The following ADGRA1 variants were observed in gnomAD, a reference collection of about 807,000 sequenced individuals.
ADGRA1 encodes the protein G-protein coupled receptor 123.
A neutral mutation model predicts 21.3 loss-of-function variants in ADGRA1; 12 were observed. The ratio of observed to expected loss-of-function variants is 0.56; its 90% CI spans 0.36 to 0.91. The LOEUF is 0.91. ADGRA1 is among the 40% of genes least tolerant of loss of function. The pLI, the probability that ADGRA1 is intolerant of heterozygous loss-of-function variation, is 0.01. For synonymous variants in ADGRA1, 385 were observed against 368.8 expected, an observed-to-expected ratio of 1.04 and a Z score of -0.50; for missense variants, 790 against 805.6, an observed-to-expected ratio of 0.98 and a Z score of 0.23.
Position 133,131,345 on chromosome 10 carries a change from A to T in ADGRA1, c.*1834A>T, listed in dbSNP as rs1852522877. On this transcript the variant is annotated 3_prime_UTR_variant, in exon 7 of 7. Transcript: ENST00000392607. ...ACCTTCTCACCTGCTTCCATAGCTGATGTGAACCCGAATCCCCACGCTGTG... is the reference window on the plus strand; with the variant it reads ...ACCTTCTCACCTGCTTCCATAGCTGTTGTGAACCCGAATCCCCACGCTGTG... The T allele has an allele frequency of 6.6e-6, 1 of 152,324 alleles. No homozygotes were observed. The highest frequency in any genetic ancestry group is 2.4e-5 in the African/African-American group (1 of 41,466). 9.4% of individuals were successfully genotyped at this position (152,324 alleles called of 1,614,324 possible). A position where few individuals can be genotyped will look rare whatever the true frequency, so the allele number is the denominator to read the frequency against.
chr10:133,090,165 C>T (rs769845219), intron 2 of ADGRA1, among the ~76,000 whole-genome samples: 1 of 152,262 alleles, frequency 6.6e-6, no homozygotes, highest in Non-Finnish European at 1.5e-5. Flanking sequence ...TCCCCTTCCT[C>T]GCCTCCTCCT....
chr10:133,114,471 A>G (rs1852118716), intron 5 of ADGRA1, among the ~76,000 whole-genome samples: 1 of 152,082 alleles, frequency 6.6e-6, no homozygotes, highest in African/African-American at 2.4e-5. Context: ...TCTGCAGGGT[A>G]CAGCTGGTGC....
In ADGRA1 at chr10:133,102,126, G is replaced by A. The variant is rs183727033; in HGVS notation, c.256-571G>A. ...AAACGCAGGAAGTTTCCATAGCAAT[G>A]AGGAACGGCGACCTGCAGGGCCACA... On this transcript the variant is annotated intron_variant, in intron 4 of 6. Transcript: ENST00000392607. 9.6e-4 allele frequency: 420 copies of A among 435,916 alleles called. 5 individuals are homozygous for A. Among genetic ancestry groups the A allele is most frequent in the South Asian group, 3.9e-3 (247 of 62,930 alleles). 27.0% of individuals were successfully genotyped at this position (435,916 alleles called of 1,614,324 possible). A position where few individuals can be genotyped will look rare whatever the true frequency, so the allele number is the denominator to read the frequency against.
At chr10:133,118,621 G>A (rs183215151) in intron 5 of ADGRA1, among the ~76,000 whole-genome samples, 9 of 152,244 alleles carry the variant, frequency 5.9e-5, no homozygotes, top group East Asian at 1.9e-4. Context: ...ATTCAGTCTC[G>A]TGAGAACTCA....
chr10:133,122,606 GA>G (rs1312656454), intron 5 of ADGRA1, among the ~76,000 whole-genome samples: 1 of 152,178 alleles, frequency 6.6e-6, no homozygotes, highest in South Asian at 2.1e-4. Flanking sequence ...GTGTGCAGTG[GA>G]ACATTTAGGA....
intron 5 of ADGRA1, among the ~76,000 whole-genome samples, chr10:133,114,749 G>A (rs141463258): frequency 2.0e-5 from 3 of 152,294 alleles, no homozygotes; most frequent in East Asian, 1.9e-4. Context: ...AGCGGGCCAG[G>A]GATCACGATC....
intron 5 of ADGRA1, among the ~76,000 whole-genome samples, chr10:133,110,532 G>A (rs1851969271): frequency 6.6e-6 from 1 of 152,248 alleles, no homozygotes; most frequent in South Asian, 2.1e-4. Context: ...GAGCAACACT[G>A]AGCTGCACAG....
chr10:133,107,668 T>C (rs1412197055), intron 5 of ADGRA1, among the ~76,000 whole-genome samples: 3 of 152,260 alleles, frequency 2.0e-5, no homozygotes, highest in Non-Finnish European at 4.4e-5. Context: ...TTTTCCTGCA[T>C]CCCTGAGCTG....
chr10:133,128,517 T>C lies in ADGRA1; in HGVS notation c.689T>C (p.Ile230Thr), dbSNP rs1297888222. 1 of 1,547,448 alleles carries C rather than the reference T, an allele frequency of 6.5e-7. No homozygotes were observed. Among genetic ancestry groups the C allele is most frequent in the South Asian group, 1.2e-5 (1 of 84,658 alleles). ...RLATPEGGRG[I>T]RPGTPPAHDA... ...GCGACACCCGAGGGCGGCCGTGGGATCCGGCCAGGCACCCCACCCGCACAC... is the reference window on the plus strand; with the variant it reads ...GCGACACCCGAGGGCGGCCGTGGGACCCGGCCAGGCACCCCACCCGCACAC... The change falls in exon 7 of 7, where the codon ATC becomes ACC. Residue 230 changes from isoleucine (I) to threonine (T), a missense_variant. Physicochemically the swap from Ile to Thr is moderately conservative, Grantham distance 89. Transcript: ENST00000392607.
chr10:133,093,340 C>T, intron 2 of ADGRA1: 3 of 1,470,114 alleles, frequency 2.0e-6, no homozygotes, highest in Non-Finnish European at 2.7e-6. Flanking sequence ...TTGTCTTTAA[C>T]ACCCTGACCC....
intron 5 of ADGRA1, among the ~76,000 whole-genome samples, chr10:133,112,320 A>T (rs1296060019): frequency 2.3e-5 from 3 of 130,382 alleles, no homozygotes; most frequent in African/African-American, 8.8e-5. Flanking sequence ...TGCGGGCCGC[A>T]TCGGTTATCT....
Position 133,129,570 on chromosome 10 carries a change from C to G in ADGRA1, c.*59C>G. 6.9e-7 allele frequency: 1 copy of G among 1,441,920 alleles called. No individual in the cohort carries two copies. The highest frequency in any genetic ancestry group is 9.3e-7 in the Non-Finnish European group (1 of 1,076,654). The allele number at this position is 1,441,920 out of a possible 1,614,324, so 89.3% of individuals were successfully genotyped here. ...CTTCAGAGCAGAGTGGGGGGCCCAT[C>G]TGCCACATGAGGTCACTGGGGGTAC... On this transcript the variant is annotated 3_prime_UTR_variant, in exon 7 of 7. Transcript: ENST00000392607.
chr10:133,095,561 T>A, intron 2 of ADGRA1: 1 of 1,419,608 alleles, frequency 7.0e-7, no homozygotes, highest in Non-Finnish European at 9.3e-7. Flanking sequence ...GCAGGGCCCC[T>A]CCGGTGCCCG....
intron 5 of ADGRA1, among the ~76,000 whole-genome samples, chr10:133,126,059 A>G (rs1013522858): frequency 2.0e-5 from 3 of 152,300 alleles, no homozygotes; most frequent in Middle Eastern, 3.4e-3. Context: ...AGTCCCCCCA[A>G]GCAGCCCAGG....
In ADGRA1 at chr10:133,128,561, G is replaced by T; in HGVS notation, c.733G>T (p.Val245Leu). The T allele has an allele frequency of 6.4e-7, 1 of 1,566,382 alleles. No individual in the cohort carries two copies. Reference sequence around the variant, plus strand: ...CGCACACGATGCCCCCGGCGCCTCCGTGCTGCAGAACGAGCACTCATTCCA... The same window carrying T: ...CGCACACGATGCCCCCGGCGCCTCCTTGCTGCAGAACGAGCACTCATTCCA... ...PPAHDAPGAS[V>L]LQNEHSFQAQ... The change falls in exon 7 of 7, where the codon GTG becomes TTG. Residue 245 changes from valine (V) to leucine (L), a missense_variant. By Grantham distance (32) the Val-to-Leu change is conservative. Coordinates refer to ENST00000392607, the MANE Select transcript of ADGRA1 (RefSeq NM_001083909.3).
chr10:133,099,710 C>T (rs1020093804), intron 4 of ADGRA1, among the ~76,000 whole-genome samples: 8 of 152,132 alleles, frequency 5.3e-5, no homozygotes, highest in East Asian at 1.9e-4. Context: ...AGCTCCGGGG[C>T]GGCTCCTCCC....
intron 3 of ADGRA1, among the ~76,000 whole-genome samples, chr10:133,097,329 C>T (rs1190450968): frequency 6.6e-6 from 1 of 152,202 alleles, no homozygotes; most frequent in African/African-American, 2.4e-5. Context: ...CTCAGGCCTC[C>T]GTCAGGGTCT....
chr10:133,118,518 T>A (rs1336220395), intron 5 of ADGRA1, among the ~76,000 whole-genome samples: 4 of 152,124 alleles, frequency 2.6e-5, no homozygotes, highest in African/African-American at 9.6e-5. Flanking sequence ...AAACTTACAG[T>A]CCTGGCAGAA....
chr10:133,104,589 G>A (rs1851859964), intron 5 of ADGRA1, among the ~76,000 whole-genome samples: 1 of 152,184 alleles, frequency 6.6e-6, no homozygotes, highest in Non-Finnish European at 1.5e-5. Flanking sequence ...GGGGCTGCCT[G>A]GAGACCCCCA....
Sources: gnomAD v4.1 joint callset for allele counts (sites outside exome capture counted in the v4.1 genomes callset) on GRCh38, gnomAD v4.1.1 for gene constraint, MANE v1.5 for transcripts, NCBI Gene and HGNC (gene_info 2026-07-23, HGNC 2026-07-21) for gene names.